ZMAT4: variants seen among roughly 807,000 people sequenced by gnomAD.
ZMAT4 encodes the protein zinc finger matrin-type 4, also known as zinc finger matrin-type protein 4.
A neutral mutation model predicts 28.7 loss-of-function variants in ZMAT4; 17 were observed. The observed-to-expected ratio is 0.59, with a 90% CI of 0.41 to 0.89. The LOEUF is 0.89. Among genes scored for constraint, ZMAT4 ranks in the 40% least tolerant of loss-of-function variants. The probability of loss-of-function intolerance (pLI) is 0.00; values close to 1 mark genes in which losing one functional copy is unlikely to be tolerated. For missense variants in ZMAT4, 240 were observed against 283.8 expected (o/e 0.85, Z 1.11); for synonymous variants, 117 against 109.2 (o/e 1.07, Z -0.44).
intron 2 of ZMAT4, among the ~76,000 whole-genome samples, chr8:40,801,641 G>T (rs1168445145): frequency 6.6e-6 from 1 of 151,920 alleles, no homozygotes; most frequent in Non-Finnish European, 1.5e-5. Context: ...TTGAACTCCA[G>T]CCTGGGCAAC....
intron 1 of ZMAT4, among the ~76,000 whole-genome samples, chr8:40,856,310 G>A (rs1336333719): frequency 6.6e-6 from 1 of 152,090 alleles, no homozygotes; most frequent in Non-Finnish European, 1.5e-5. Flanking sequence ...AGGTTTCATG[G>A]AGGAAGTGGA....
chr8:40,757,463 G>C, intron 3 of ZMAT4, among the ~76,000 whole-genome samples: 1 of 151,980 alleles, frequency 6.6e-6, no homozygotes, highest in Admixed American at 6.6e-5. Context: ...GCACGTGCCT[G>C]TAGTCCCAAC....
chr8:40,686,141 G>A (rs1809394595), intron 4 of ZMAT4, among the ~76,000 whole-genome samples: 1 of 152,094 alleles, frequency 6.6e-6, no homozygotes, highest in South Asian at 2.1e-4. Flanking sequence ...CTTAAAGTCT[G>A]AAATAGACAT....
chr8:40,555,783 G>A (rs1284942498), intron 6 of ZMAT4, among the ~76,000 whole-genome samples: 1 of 151,888 alleles, frequency 6.6e-6, no homozygotes, highest in Non-Finnish European at 1.5e-5. Flanking sequence ...ATAGACTATG[G>A]TCTCTTCTAT....
intron 3 of ZMAT4, among the ~76,000 whole-genome samples, chr8:40,744,371 C>T (rs1812133929): frequency 1.3e-5 from 2 of 152,198 alleles, no homozygotes; most frequent in East Asian, 1.9e-4. Flanking sequence ...GACACATCTG[C>T]AGGTGTCCAG....
chr8:40,890,749 C>T (rs980565756), intron 1 of ZMAT4, among the ~76,000 whole-genome samples: 2 of 152,156 alleles, frequency 1.3e-5, no homozygotes, highest in Non-Finnish European at 2.9e-5. Context: ...CCTCCCCTTG[C>T]CCCCAAAACA....
chr8:40,632,763 G>A (rs1226873678), intron 5 of ZMAT4, among the ~76,000 whole-genome samples: 3 of 152,182 alleles, frequency 2.0e-5, no homozygotes, highest in African/African-American at 7.2e-5. Context: ...TTTAAGCTAC[G>A]CAGCTGTGGC....
At chr8:40,873,476 C>T (rs1187876661) in intron 1 of ZMAT4, among the ~76,000 whole-genome samples, 1 of 152,160 alleles carries the variant, frequency 6.6e-6, no homozygotes, top group African/African-American at 2.4e-5. Flanking sequence ...GAATGCTCAT[C>T]CCTCACCCTG....
At chr8:40,813,726 C>T (rs989581982) in intron 2 of ZMAT4, among the ~76,000 whole-genome samples, 5 of 152,182 alleles carry the variant, frequency 3.3e-5, no homozygotes, top group Non-Finnish European at 5.9e-5. Context: ...GACGTATTGA[C>T]AAGTTGATAG....
intron 6 of ZMAT4, among the ~76,000 whole-genome samples, chr8:40,553,360 T>C (rs1461065261): frequency 1.3e-5 from 2 of 152,192 alleles, no homozygotes; most frequent in Non-Finnish European, 2.9e-5. Flanking sequence ...TATACAGCCC[T>C]GGATGGCTAA....
intron 6 of ZMAT4, among the ~76,000 whole-genome samples, chr8:40,540,145 G>T (rs1042051384): frequency 6.6e-6 from 1 of 152,164 alleles, no homozygotes; most frequent in African/African-American, 2.4e-5. Context: ...GTGCAAAGAG[G>T]TTCCCAGGAA....
At chr8:40,707,635 G>C (rs773756406) in intron 3 of ZMAT4, among the ~76,000 whole-genome samples, 54 of 146,324 alleles carry the variant, frequency 3.7e-4, no homozygotes, top group Non-Finnish European at 1.8e-4. Context: ...ATACATATAA[G>C]TATATGTGTG....
At chr8:40,754,482 A>C (rs769762748) in intron 3 of ZMAT4, among the ~76,000 whole-genome samples, 9 of 152,212 alleles carry the variant, frequency 5.9e-5, no homozygotes, top group Non-Finnish European at 1.2e-4. Context: ...TCAGGCCGAG[A>C]AAATCATGTG....
chr8:40,820,226 ATG>A (rs1326276475), intron 2 of ZMAT4, among the ~76,000 whole-genome samples: 5 of 118,706 alleles, frequency 4.2e-5, no homozygotes, highest in African/African-American at 1.3e-4. Context: ...GCATTTGTGT[ATG>A]TGTGTGTACG....
intron 2 of ZMAT4, among the ~76,000 whole-genome samples, chr8:40,789,851 G>A (rs1483075713): frequency 6.6e-6 from 1 of 152,190 alleles, no homozygotes; most frequent in Admixed American, 6.5e-5. Flanking sequence ...AATAACTCCT[G>A]TAGCAATCAG....
intron 5 of ZMAT4, among the ~76,000 whole-genome samples, chr8:40,590,105 G>A (rs187089054): frequency 1.0e-3 from 154 of 150,090 alleles, no homozygotes; most frequent in African/African-American, 3.5e-3. Context: ...CTGCAGCCTC[G>A]AACTCCAGGG....
At position 40,697,406 on chromosome 8, in the gene ZMAT4, G is replaced by T. The variant is rs765108645; in HGVS notation, c.193-5C>A. 1.9e-6 allele frequency: 3 copies of T among 1,565,094 alleles called. No individual in the cohort carries two copies. Among genetic ancestry groups the T allele is most frequent in the South Asian group, 1.2e-5 (1 of 84,430 alleles). ...CACCATGTCGGCATCACTTCCCTGC[G>T]CAGGGAGAAAGAAAGGCCACGTGTG... On this transcript the variant is annotated splice_polypyrimidine_tract_variant and splice_region_variant and intron_variant, in intron 3 of 6. Coordinates refer to ENST00000297737, the MANE Select transcript of ZMAT4 (RefSeq NM_024645.3).
chr8:40,740,372 G>A (rs756388512), intron 3 of ZMAT4, among the ~76,000 whole-genome samples: 2 of 152,100 alleles, frequency 1.3e-5, no homozygotes, highest in Non-Finnish European at 2.9e-5. Context: ...GTTTTGATTT[G>A]CACAAAATAA....
intron 3 of ZMAT4, among the ~76,000 whole-genome samples, chr8:40,742,937 C>A (rs1209834142): frequency 6.6e-6 from 1 of 152,140 alleles, no homozygotes; most frequent in Non-Finnish European, 1.5e-5. Flanking sequence ...ATTGTCCCAG[C>A]ACGGTGGCTA....
Sources: allele counts gnomAD v4.1 joint callset (sites outside exome capture counted in the v4.1 genomes callset), GRCh38; gene constraint gnomAD v4.1.1; transcripts MANE v1.5; gene names NCBI Gene and HGNC (gene_info 2026-07-23, HGNC 2026-07-21).